Variants in GNB5 observed in about 807,000 individuals in gnomAD.
GNB5 encodes the protein guanine nucleotide-binding protein subunit beta-5.
In GNB5, 37 loss-of-function variants were observed where a neutral mutation model predicts 55.3. The observed-to-expected ratio is 0.67, with a 90% CI of 0.51 to 0.88. GNB5 has a LOEUF of 0.88. Ranked by LOEUF, GNB5 falls within the 40% of genes least tolerant of loss-of-function variation. The pLI is 0.00. For missense variants in GNB5, 476 were observed against 515.3 expected, an observed-to-expected ratio of 0.92 and a Z score of 0.74; for synonymous variants, 219 against 198.5, an observed-to-expected ratio of 1.10 and a Z score of -0.87.
chr15:52,149,954 G>A lies in GNB5; in HGVS notation c.376-29C>T, dbSNP rs757202352. 7.6e-6 allele frequency: 12 copies of A among 1,571,608 alleles called. No homozygotes were observed. In the Admixed American group the frequency reaches 1.8e-4, roughly 24 times the overall value. On this transcript the variant is annotated intron_variant, in intron 4 of 12. Coordinates refer to ENST00000261837, the MANE Select transcript of GNB5 (RefSeq NM_016194.4). ...GAGGGAGAAGAGCAAACAGTTTAGG[G>A]GTTGTCAAGTTCTTACAGATTACTG... is the stretch of plus-strand genomic sequence containing the variant.
chr15:52,126,179 T>C (rs2033423617), intron 10 of GNB5, 135 bp from the exon 11 acceptor site: 1 of 593,046 alleles, frequency 1.7e-6, no homozygotes, highest in Non-Finnish European at 3.0e-6. Flanking sequence ...TTTTCCCTAC[T>C]GTTATTTCAT....
At position 52,135,552 on chromosome 15, in the gene GNB5, TG is replaced by T; in HGVS notation, c.771+60del. On this transcript the variant is annotated intron_variant, in intron 8 of 12. Transcript: ENST00000261837. ...GCTAATCCCATGAATGGACAAGAAC[TG>T]CCACCATAAGCCTCCTTAGTGGACA... 2.1e-6 allele frequency: 3 copies of T among 1,436,780 alleles called. No homozygotes were observed. In the South Asian group the frequency reaches 3.5e-5, roughly 17 times the overall value. 89.0% of individuals were successfully genotyped at this position (1,436,780 alleles called of 1,614,324 possible). A position where few individuals can be genotyped will look rare whatever the true frequency, so the allele number is the denominator to read the frequency against.
At chr15:52,166,985 T>C (rs1419449660) in intron 3 of GNB5, among the ~76,000 whole-genome samples, 1 of 152,024 alleles carries the variant, frequency 6.6e-6, no homozygotes, top group East Asian at 1.9e-4. Flanking sequence ...TCAGAAATGA[T>C]AAAGGGGATA....
intron 7 of GNB5, chr15:52,139,915 C>T: frequency 7.8e-7 from 1 of 1,286,434 alleles, no homozygotes; most frequent in Non-Finnish European, 1.0e-6. Flanking sequence ...GTCGTGGTAG[C>T]CCCCTGAGCC....
intron 9 of GNB5, among the ~76,000 whole-genome samples, chr15:52,131,711 A>C (rs888162864): frequency 1.3e-5 from 2 of 152,230 alleles, no homozygotes; most frequent in Non-Finnish European, 2.9e-5. Flanking sequence ...TGAGGGCAAG[A>C]AGTACTAAAG....
chr15:52,164,900 A>G (rs2034420857), intron 3 of GNB5, among the ~76,000 whole-genome samples: 1 of 152,214 alleles, frequency 6.6e-6, no homozygotes, highest in Non-Finnish European at 1.5e-5. Context: ...AAGGTGGGTA[A>G]TAATGAACTT....
chr15:52,117,102 A>ATATATATATATATATATATATAAT lies in GNB5; in HGVS notation c.*5654_*5655insATTATATATATATATATATATATA. On this transcript the variant is annotated 3_prime_UTR_variant, in exon 13 of 13. Coordinates refer to ENST00000261837, the MANE Select transcript of GNB5 (RefSeq NM_016194.4). The stretch of plus-strand genomic sequence containing the variant: ...CCACGCCCAGCTAATATATATATAT[A>ATATATATATATATATATATATAAT]TTTTTTTTTAGTACAGACAGGGTTT... 2.3e-5 allele frequency: 2 copies of ATATATATATATATATATATATAAT among 87,102 alleles called. No individual in the cohort carries two copies. The highest frequency in any genetic ancestry group is 1.2e-4 in the African/African-American group (2 of 16,420). The allele number at this position is 87,102 out of a possible 1,614,324, so 5.4% of individuals were successfully genotyped here.
chr15:52,150,377 C>T (rs193177326), intron 4 of GNB5, among the ~76,000 whole-genome samples: 283 of 152,270 alleles, frequency 1.9e-3, no homozygotes, highest in South Asian at 4.6e-3. Flanking sequence ...CCCCGATTTG[C>T]TTTGGAGTCC....
chr15:52,159,970 T>C (rs539046489), intron 3 of GNB5, among the ~76,000 whole-genome samples: 6 of 150,888 alleles, frequency 4.0e-5, no homozygotes, highest in Non-Finnish European at 8.9e-5. Flanking sequence ...TTTTTTGAGA[T>C]GGAGTCTCAC....
chr15:52,142,059 A>G (rs1162692224), intron 6 of GNB5, among the ~76,000 whole-genome samples: 1 of 152,198 alleles, frequency 6.6e-6, no homozygotes, highest in Non-Finnish European at 1.5e-5. Context: ...ATGGTTTCTT[A>G]ATGGTTAAAG....
chr15:52,160,407 G>T (rs2141221751), intron 3 of GNB5, among the ~76,000 whole-genome samples: 1 of 152,330 alleles, frequency 6.6e-6, no homozygotes, highest in Middle Eastern at 3.4e-3. Flanking sequence ...TAGAGTTGGT[G>T]TACTAGGAGC....
chr15:52,125,977 C>T lies in GNB5; in HGVS notation c.980G>A (p.Gly327Glu). The change falls in exon 11 of 13, where the codon GGA (glycine) becomes GAA (glutamate). Residue 327 changes from glycine (G) to glutamate (E), a missense_variant. By Grantham distance (98) the Gly-to-Glu change is moderately conservative. Coordinates refer to ENST00000261837, the MANE Select transcript of GNB5 (RefSeq NM_016194.4). ...GAGGGAGAAGTCCACGCTGGATGCT[C>T]CAAATATGATGCTTTCTTTGGAATA... The part of the protein sequence containing the change: ...AIYSKESIIF[G>E]ASSVDFSLSG... 6.4e-7 allele frequency: 1 copy of T among 1,570,864 alleles called. No homozygotes were observed. The highest frequency in any genetic ancestry group is 8.7e-7 in the Non-Finnish European group (1 of 1,144,816).
At chr15:52,166,189 A>C (rs1003440309) in intron 3 of GNB5, among the ~76,000 whole-genome samples, 3 of 152,180 alleles carry the variant, frequency 2.0e-5, no homozygotes, top group African/African-American at 7.2e-5. Flanking sequence ...CAGATTCATA[A>C]AGCAAGTTCT....
At position 52,124,560 on chromosome 15, in the gene GNB5, C is replaced by A. The variant is rs1248881748; in HGVS notation, c.1089G>T (p.Leu363=). The A allele has an allele frequency of 1.2e-6, 2 of 1,613,784 alleles. No homozygotes were observed. The highest frequency in any genetic ancestry group is 3.3e-4 in the Middle Eastern group (2 of 6,060). The change falls in exon 12 of 13, where the codon CTG becomes CTT. Residue 363 remains leucine (L), a synonymous_variant. Coordinates refer to ENST00000261837, the MANE Select transcript of GNB5 (RefSeq NM_016194.4). ...TGCTAACGCGGTTTTCATGTCCAAA[C>A]AGGATGGAGACCCGGGACCCTTTGA... ...DVLKGSRVSI[L]FGHENRVSTL...
intron 10 of GNB5, 22 bp from the exon 11 acceptor site, chr15:52,126,066 A>C (rs756454687): frequency 1.3e-5 from 16 of 1,197,178 alleles, no homozygotes; most frequent in Middle Eastern, 1.9e-4. Context: ...ATAAATAAAG[A>C]AGCACTTACT....
In GNB5 at chr15:52,126,198, C is replaced by T. The variant is rs574543476; in HGVS notation, c.913-154G>A. 1.6e-4 allele frequency: 92 copies of T among 568,874 alleles called. No homozygotes were observed. The African/African-American group carries it at 1.7e-3, about 10-fold the overall frequency. 35.2% of individuals were successfully genotyped at this position (568,874 alleles called of 1,614,324 possible). On this transcript the variant is annotated intron_variant, in intron 10 of 12. Coordinates refer to ENST00000261837, the MANE Select transcript of GNB5 (RefSeq NM_016194.4). Reference sequence around the variant, plus strand: ...CCCTACTGTTATTTCATCCTTTAGTCCCGACTCCTGTTAATTTCTATGAGT... The same window carrying T: ...CCCTACTGTTATTTCATCCTTTAGTTCCGACTCCTGTTAATTTCTATGAGT...
chr15:52,145,888 G>A (rs1224461395), intron 6 of GNB5, among the ~76,000 whole-genome samples: 1 of 150,894 alleles, frequency 6.6e-6, no homozygotes, highest in Non-Finnish European at 1.5e-5. Flanking sequence ...AATCCCCATA[G>A]TCCCATCATC....
intron 1 of GNB5, among the ~76,000 whole-genome samples, chr15:52,187,262 C>G (rs990722674): frequency 3.3e-5 from 5 of 152,058 alleles, no homozygotes; most frequent in Admixed American, 2.6e-4. Flanking sequence ...CTGAACACTC[C>G]CAGTAATAGC....
At chr15:52,145,769 GAGA>G (rs889133864) in intron 6 of GNB5, among the ~76,000 whole-genome samples, 2 of 152,140 alleles carry the variant, frequency 1.3e-5, no homozygotes, top group Non-Finnish European at 2.9e-5. Flanking sequence ...AGGGACACTG[GAGA>G]AGATGGTTGG....
Sources: gnomAD v4.1 joint callset for allele counts (sites outside exome capture counted in the v4.1 genomes callset) on GRCh38, gnomAD v4.1.1 for gene constraint, MANE v1.5 for transcripts, NCBI Gene and HGNC (gene_info 2026-07-23, HGNC 2026-07-21) for gene names.